Variants in SUCLG2 observed in about 807,000 individuals in gnomAD.
The protein encoded by SUCLG2 is succinate--CoA ligase [GDP-forming] subunit beta, mitochondrial.
In SUCLG2, 42 loss-of-function variants were observed where a neutral mutation model predicts 47.9. The ratio of observed to expected loss-of-function variants is 0.88; its 90% CI spans 0.69 to 1.14. The LOEUF (loss-of-function observed/expected upper bound fraction) is 1.14. SUCLG2 is among the 50% of genes most tolerant of loss of function. The pLI is 0.00. For synonymous variants in SUCLG2, 195 were observed against 197.3 expected, an observed-to-expected ratio of 0.99 and a Z score of 0.10; for missense variants, 571 against 525.9, an observed-to-expected ratio of 1.09 and a Z score of -0.84.
At chr3:67,459,215 C>G (rs1704265482) in intron 9 of SUCLG2, among the ~76,000 whole-genome samples, 1 of 151,930 alleles carries the variant, frequency 6.6e-6, no homozygotes, top group South Asian at 2.1e-4. Context: ...GCTAACGTGG[C>G]CTGCTTGACG....
intron 1 of SUCLG2, among the ~76,000 whole-genome samples, chr3:67,613,994 G>A (rs1025585387): frequency 2.0e-5 from 3 of 152,164 alleles, no homozygotes; most frequent in African/African-American, 7.2e-5. Context: ...TTGGGAGGGA[G>A]GGAGGTGGAG....
At chr3:67,440,476 C>A (rs1262816917) in intron 9 of SUCLG2, among the ~76,000 whole-genome samples, 1 of 152,128 alleles carries the variant, frequency 6.6e-6, no homozygotes, top group South Asian at 2.1e-4. Flanking sequence ...TTTTTGCAAT[C>A]TACCCATATG....
chr3:67,482,004 C>A (rs779324529), intron 9 of SUCLG2, among the ~76,000 whole-genome samples: 14 of 152,178 alleles, frequency 9.2e-5, no homozygotes, highest in Non-Finnish European at 1.3e-4. Flanking sequence ...CAAGGCGAAG[C>A]CCTGTGTCTA....
chr3:67,616,858 C>T (rs9683084), intron 1 of SUCLG2, among the ~76,000 whole-genome samples: 10,153 of 152,192 alleles, frequency 0.067, 526 homozygotes, highest in African/African-American at 0.14. Flanking sequence ...AACCTCACTT[C>T]GAGCTCTCAA....
intron 1 of SUCLG2, among the ~76,000 whole-genome samples, chr3:67,624,899 TC>T (rs1267293570): frequency 6.6e-6 from 1 of 152,164 alleles, no homozygotes; most frequent in African/African-American, 2.4e-5. Flanking sequence ...ATTTGAAAAG[TC>T]CACTGTGATG....
At chr3:67,519,266 C>CT (rs1706032264) in intron 5 of SUCLG2, among the ~76,000 whole-genome samples, 1 of 152,264 alleles carries the variant, frequency 6.6e-6, no homozygotes, top group Middle Eastern at 3.4e-3. Flanking sequence ...GATGGTGTCC[C>CT]ATCCAGGGTG....
At chr3:67,560,721 C>G (rs143108823) in intron 2 of SUCLG2, among the ~76,000 whole-genome samples, 14 of 152,196 alleles carry the variant, frequency 9.2e-5, no homozygotes, top group Non-Finnish European at 1.8e-4. Context: ...AGAACCTCAT[C>G]TGCTTTTCTA....
chr3:67,582,425 T>G (rs1196469067), intron 2 of SUCLG2, among the ~76,000 whole-genome samples: 1 of 152,198 alleles, frequency 6.6e-6, no homozygotes, highest in Non-Finnish European at 1.5e-5. Context: ...GCTCCATGCA[T>G]GTTGCTACAA....
At chr3:67,397,322 A>G (rs1359032749) in intron 10 of SUCLG2, among the ~76,000 whole-genome samples, 1 of 151,776 alleles carries the variant, frequency 6.6e-6, no homozygotes, top group African/African-American at 2.4e-5. Context: ...AACTTCAGCA[A>G]AGTCTCAGGA....
chr3:67,580,549 G>C (rs1486048576), intron 2 of SUCLG2, among the ~76,000 whole-genome samples: 3 of 152,088 alleles, frequency 2.0e-5, no homozygotes, highest in Non-Finnish European at 4.4e-5. Context: ...GTGCCTCCTC[G>C]GGGCACTGGG....
At chr3:67,616,971 G>A (rs1700641448) in intron 1 of SUCLG2, among the ~76,000 whole-genome samples, 2 of 152,172 alleles carry the variant, frequency 1.3e-5, no homozygotes, top group South Asian at 2.1e-4. Context: ...CAGATGCTTG[G>A]TGGGCTGTGG....
chr3:67,632,060 T>C (rs1209070107), intron 1 of SUCLG2, among the ~76,000 whole-genome samples: 2 of 152,250 alleles, frequency 1.3e-5, no homozygotes, highest in Admixed American at 6.5e-5. Flanking sequence ...TCAGCCCATA[T>C]GCCCATCATC....
chr3:67,621,383 G>A (rs1483707764), intron 1 of SUCLG2, among the ~76,000 whole-genome samples: 1 of 152,086 alleles, frequency 6.6e-6, no homozygotes, highest in Non-Finnish European at 1.5e-5. Context: ...TAGTTGATAT[G>A]CATGTGGTAA....
chr3:67,651,988 C>T (rs1701293334), intron 1 of SUCLG2, among the ~76,000 whole-genome samples: 1 of 152,072 alleles, frequency 6.6e-6, no homozygotes, highest in Non-Finnish European at 1.5e-5. Context: ...ATCACGTGGC[C>T]AAAGACTCTG....
intron 2 of SUCLG2, among the ~76,000 whole-genome samples, chr3:67,558,903 C>T (rs946281985): frequency 1.2e-4 from 19 of 152,204 alleles, no homozygotes; most frequent in Admixed American, 1.2e-3. Context: ...TTATTAAAAT[C>T]ATCAGCTGGG....
intron 2 of SUCLG2, among the ~76,000 whole-genome samples, chr3:67,571,840 T>G (rs555201629): frequency 3.3e-5 from 5 of 152,360 alleles, no homozygotes; most frequent in African/African-American, 1.2e-4. Context: ...AATGTTTCTT[T>G]CTATGCAAAA....
chr3:67,603,256 A>C (rs1318344320), intron 2 of SUCLG2, among the ~76,000 whole-genome samples: 3 of 152,264 alleles, frequency 2.0e-5, no homozygotes, highest in Admixed American at 1.3e-4. Flanking sequence ...TCTTTTTGCA[A>C]GATCCTAACC....
chr3:67,573,581 G>C (rs983818915), intron 2 of SUCLG2, among the ~76,000 whole-genome samples: 5 of 152,124 alleles, frequency 3.3e-5, no homozygotes, highest in African/African-American at 7.2e-5. Flanking sequence ...AGGTATTAGT[G>C]AGACAGCCAC....
chr3:67,428,203 G>T (rs753706867), intron 9 of SUCLG2, among the ~76,000 whole-genome samples: 1 of 152,186 alleles, frequency 6.6e-6, no homozygotes, highest in African/African-American at 2.4e-5. Flanking sequence ...AGTAGGGGCC[G>T]ACTGACACCT....
Sources: allele counts gnomAD v4.1 joint callset (sites outside exome capture counted in the v4.1 genomes callset), GRCh38; gene constraint gnomAD v4.1.1; transcripts MANE v1.5; gene names NCBI Gene and HGNC (gene_info 2026-07-23, HGNC 2026-07-21).